Variants in DPYD observed in about 807,000 individuals in gnomAD.
DPYD encodes dihydropyrimidine dehydrogenase, also known as dihydropyrimidine dehydrogenase [NADP(+)].
In DPYD, 109 loss-of-function variants were observed where a neutral mutation model predicts 116.2. The ratio of observed to expected loss-of-function variants is 0.94; its 90% confidence interval spans 0.80 to 1.10. The LOEUF (loss-of-function observed/expected upper bound fraction) is 1.10. Among genes scored for constraint, DPYD ranks in the 50% least tolerant of loss-of-function variants. The probability of loss-of-function intolerance (pLI) is 0.00; values close to 1 mark genes in which losing one functional copy is unlikely to be tolerated. For missense variants in DPYD, 1,302 were observed against 1,254.5 expected (o/e 1.04, Z -0.57); for synonymous variants, 440 against 432.0 (o/e 1.02, Z -0.23).
chr1:97,624,565 G>A (rs1384619534), intron 8 of DPYD, among the ~76,000 whole-genome samples: 1 of 151,776 alleles, frequency 6.6e-6, no homozygotes, highest in Admixed American at 6.6e-5. Flanking sequence ...GCAGTTCCTC[G>A]AAAAACTGGA....
At chr1:97,690,332 G>A (rs1001568148) in intron 7 of DPYD, among the ~76,000 whole-genome samples, 1 of 151,982 alleles carries the variant, frequency 6.6e-6, no homozygotes, top group East Asian at 1.9e-4. Flanking sequence ...AGAGTAATGG[G>A]TATGCTCTAA....
chr1:97,850,332 C>G (rs1200889482), intron 2 of DPYD, among the ~76,000 whole-genome samples: 2 of 152,118 alleles, frequency 1.3e-5, no homozygotes, highest in African/African-American at 4.8e-5. Context: ...TAGGTTAAAT[C>G]TCTAATTTTC....
At chr1:97,089,526 T>A (rs1331738866) in intron 21 of DPYD, among the ~76,000 whole-genome samples, 1 of 152,172 alleles carries the variant, frequency 6.6e-6, no homozygotes, top group Non-Finnish European at 1.5e-5. Flanking sequence ...TAGAAGGAAA[T>A]CTTTATACTC....
At chr1:97,197,736 C>A (rs1658913228) in intron 19 of DPYD, among the ~76,000 whole-genome samples, 1 of 152,190 alleles carries the variant, frequency 6.6e-6, no homozygotes, top group Non-Finnish European at 1.5e-5. Context: ...TTCCCACCCA[C>A]TTCTAGACTC....
chr1:97,127,402 T>C (rs1652931458), intron 20 of DPYD, among the ~76,000 whole-genome samples: 1 of 152,158 alleles, frequency 6.6e-6, no homozygotes, highest in Non-Finnish European at 1.5e-5. Flanking sequence ...AAAGCTTCTG[T>C]GCAGAGTTGT....
At chr1:97,857,031 C>T (rs1051665565) in intron 2 of DPYD, among the ~76,000 whole-genome samples, 1 of 152,140 alleles carries the variant, frequency 6.6e-6, no homozygotes, top group Non-Finnish European at 1.5e-5. Flanking sequence ...ACCTCCTATT[C>T]TATAAAGATG....
chr1:97,904,076 G>T (rs1236283637), intron 1 of DPYD, among the ~76,000 whole-genome samples: 1 of 151,780 alleles, frequency 6.6e-6, no homozygotes, highest in African/African-American at 2.4e-5. Context: ...TAATCAGGAA[G>T]GGCTACACAT....
chr1:97,692,291 C>G (rs890007103), intron 6 of DPYD, among the ~76,000 whole-genome samples: 7 of 151,832 alleles, frequency 4.6e-5, no homozygotes, highest in Non-Finnish European at 1.0e-4. Context: ...TATTACCATA[C>G]TGTTTAGAAT....
chr1:97,917,982 G>A (rs1238356495), intron 1 of DPYD, among the ~76,000 whole-genome samples: 1 of 152,048 alleles, frequency 6.6e-6, no homozygotes. Flanking sequence ...GCTGAGGCCT[G>A]GGAAAGTGAC....
rs577063371 is a variant in DPYD at position 97,398,215 on chromosome 1, C to T, written c.1906-15754G>A. On this transcript the variant is annotated intron_variant, in intron 14 of 22. Transcript: ENST00000370192. Reference sequence around the variant, plus strand: ...TGCGGTGTTTGGATTTCTGTCCTTGCGATAGTGTGCTGAGAATGATGGTTT... The same window carrying T: ...TGCGGTGTTTGGATTTCTGTCCTTGTGATAGTGTGCTGAGAATGATGGTTT... 3.9e-5 allele frequency among the ~76,000 whole-genome samples: 6 copies of T among 152,096 alleles called. No individual in the cohort carries two copies. The South Asian group carries it at 1.0e-3, about 26-fold the overall frequency.
intron 20 of DPYD, among the ~76,000 whole-genome samples, chr1:97,156,122 T>G (rs2101731139): frequency 6.6e-6 from 1 of 152,308 alleles, no homozygotes; most frequent in East Asian, 1.9e-4. Context: ...AATAAAATGT[T>G]TATATTTTTA....
intron 3 of DPYD, among the ~76,000 whole-genome samples, chr1:97,817,814 A>T (rs1668707336): frequency 6.6e-6 from 1 of 152,124 alleles, no homozygotes; most frequent in Admixed American, 6.6e-5. Context: ...TAACAAGATT[A>T]TCATAACATT....
intron 18 of DPYD, among the ~76,000 whole-genome samples, chr1:97,285,943 G>A (rs1019381288): frequency 6.6e-6 from 1 of 152,096 alleles, no homozygotes; most frequent in Non-Finnish European, 1.5e-5. Flanking sequence ...ATTGTTATGT[G>A]TGAATTTGAT....
chr1:97,520,673 T>C (rs1557769208), intron 12 of DPYD, among the ~76,000 whole-genome samples: 1 of 151,664 alleles, frequency 6.6e-6, no homozygotes, highest in Non-Finnish European at 1.5e-5. Context: ...CCCCTCCCTG[T>C]GTCCATGTGT....
chr1:97,333,554 A>T (rs1004838486), intron 16 of DPYD, among the ~76,000 whole-genome samples: 11 of 122,902 alleles, frequency 9.0e-5, no homozygotes, highest in African/African-American at 3.7e-4. Flanking sequence ...GGAGTCTCAC[A>T]CTGTCGTACA....
intron 8 of DPYD, among the ~76,000 whole-genome samples, chr1:97,608,418 A>C (rs1447100324): frequency 1.4e-4 from 21 of 151,982 alleles, no homozygotes; most frequent in Admixed American, 1.4e-3. Context: ...ACAGAAGGGT[A>C]CATTCACGTC....
chr1:97,417,683 ATAC>A (rs1162178747), intron 14 of DPYD, among the ~76,000 whole-genome samples: 16 of 152,324 alleles, frequency 1.1e-4, no homozygotes, highest in African/African-American at 3.8e-4. Flanking sequence ...CAATATTGAA[ATAC>A]AAATGAGCTT....
chr1:97,667,006 T>C (rs1659601090), intron 8 of DPYD, among the ~76,000 whole-genome samples: 1 of 152,122 alleles, frequency 6.6e-6, no homozygotes. Context: ...CTGCTACTCA[T>C]TTTTTTAAAT....
At chr1:97,149,127 T>C (rs1654840971) in intron 20 of DPYD, among the ~76,000 whole-genome samples, 1 of 152,240 alleles carries the variant, frequency 6.6e-6, no homozygotes. Flanking sequence ...ATGTAATATG[T>C]GTTGATTATC....
Sources: allele counts gnomAD v4.1 joint callset (sites outside exome capture counted in the v4.1 genomes callset), GRCh38; gene constraint gnomAD v4.1.1; transcripts MANE v1.5; gene names NCBI Gene and HGNC (gene_info 2026-07-23, HGNC 2026-07-21).